The following MRAS variants were observed in gnomAD, a reference collection of about 807,000 sequenced individuals.
The protein encoded by MRAS is ras-related protein M-Ras.
A neutral mutation model predicts 20.9 loss-of-function variants in MRAS; 4 were observed. The observed-to-expected ratio is 0.19, with a 90% CI of 0.09 to 0.44. MRAS has a LOEUF of 0.44. MRAS is among the 20% of genes least tolerant of loss of function. The pLI, the probability that MRAS is intolerant of heterozygous loss-of-function variation, is 0.99. For synonymous variants in MRAS, 98 were observed against 102.9 expected (o/e 0.95, Z 0.29); for missense variants, 154 against 277.5 (o/e 0.56, Z 3.16).
chr3:138,365,930 T>C (rs1576351229), intron 1 of MRAS, among the ~76,000 whole-genome samples: 1 of 152,024 alleles, frequency 6.6e-6, no homozygotes, highest in Non-Finnish European at 1.5e-5. Flanking sequence ...GTTGGGTGGG[T>C]GGTTAGGGCT....
rs1576394957 is a variant in MRAS at position 138,402,621 on chromosome 3, C to T, written c.*352C>T. 1 of 216,476 alleles carries T rather than the reference C, an allele frequency of 4.6e-6. No homozygotes were observed. Among genetic ancestry groups the T allele is most frequent in the Non-Finnish European group, 9.1e-6 (1 of 109,432 alleles). 13.4% of individuals were successfully genotyped at this position (216,476 alleles called of 1,614,324 possible). A position where few individuals can be genotyped will look rare whatever the true frequency, so the allele number is the denominator to read the frequency against. On this transcript the variant is annotated 3_prime_UTR_variant, in exon 6 of 6. Transcript: ENST00000423968. ...TGATGTGGAAGTGTTTATCCACATA[C>T]AAAGTACAAAACAAGCCATGAACAA...
chr3:138,357,118 A>G (rs2054351587), intron 1 of MRAS, among the ~76,000 whole-genome samples: 1 of 152,250 alleles, frequency 6.6e-6, no homozygotes, highest in Non-Finnish European at 1.5e-5. Context: ...CCATTCTAAT[A>G]GAGCATTTAA....
At chr3:138,389,950 AG>A in intron 2 of MRAS, among the ~76,000 whole-genome samples, 1 of 151,216 alleles carries the variant, frequency 6.6e-6, no homozygotes, top group Admixed American at 6.6e-5. Context: ...TGGGTGGAAG[AG>A]GGGGAGAAGG....
chr3:138,400,111 C>A (rs936095339), intron 4 of MRAS: 7 of 160,632 alleles, frequency 4.4e-5, no homozygotes, highest in African/African-American at 1.7e-4. Flanking sequence ...ATGGCCCAGC[C>A]TCTCCTCAGC....
In MRAS at chr3:138,402,419, C is replaced by T. The variant is rs957847880; in HGVS notation, c.*150C>T. ...GAAGGGCAGGTGGGCAGGGAGCAGA[C>T]AGGGTCTGGCTTTGCCCAGAGGGCA... On this transcript the variant is annotated 3_prime_UTR_variant, in exon 6 of 6. Transcript: ENST00000423968. 13 of 700,854 alleles carry T rather than the reference C, an allele frequency of 1.9e-5. No individual in the cohort carries two copies. The South Asian group carries it at 2.6e-4, about 14-fold the overall frequency. The allele number at this position is 700,854 out of a possible 1,614,324, so 43.4% of individuals were successfully genotyped here.
intron 1 of MRAS, among the ~76,000 whole-genome samples, chr3:138,351,714 A>G (rs1467240066): frequency 6.6e-6 from 1 of 152,228 alleles, no homozygotes; most frequent in Non-Finnish European, 1.5e-5. Flanking sequence ...GTACACAGGA[A>G]TGGGATATCA....
chr3:138,354,010 G>A (rs1472011895), intron 1 of MRAS, among the ~76,000 whole-genome samples: 1 of 152,174 alleles, frequency 6.6e-6, no homozygotes, highest in African/African-American at 2.4e-5. Flanking sequence ...GTGCTTAGGG[G>A]ACCTATCCCA....
intron 5 of MRAS, 68 bp from the exon 6 acceptor site, chr3:138,402,102 A>C: frequency 6.9e-7 from 1 of 1,452,540 alleles, no homozygotes. Flanking sequence ...GGGGCTAGGG[A>C]GGAGAGGGGC....
At chr3:138,368,975 C>T (rs984643612) in intron 1 of MRAS, among the ~76,000 whole-genome samples, 1 of 152,140 alleles carries the variant, frequency 6.6e-6, no homozygotes, top group Admixed American at 6.5e-5. Context: ...GACTCATTCT[C>T]CAGCCTTGGA....
chr3:138,355,386 C>CT (rs2054311128), intron 1 of MRAS, among the ~76,000 whole-genome samples: 1 of 152,206 alleles, frequency 6.6e-6, no homozygotes, highest in African/African-American at 2.4e-5. Flanking sequence ...TGGTGTTATC[C>CT]TGTTTGCATG....
Position 138,372,876 on chromosome 3 carries a change from C to T in MRAS, c.-8C>T, listed in dbSNP as rs1348666169. ...GTCTTGCTGCCGCAGGTCTGACCTA[C>T]GAGAAACATGGCAACCAGCGCCGTC... On this transcript the variant is annotated 5_prime_UTR_variant, in exon 2 of 6. In the 5' UTR this introduces an upstream ATG that the reference lacks. Coordinates refer to ENST00000423968, the MANE Select transcript of MRAS (RefSeq NM_001085049.3). The T allele has an allele frequency of 5.9e-6, 9 of 1,527,188 alleles. No individual in the cohort carries two copies. Among genetic ancestry groups the T allele is most frequent in the East Asian group, 2.6e-5 (1 of 37,736 alleles). The allele number at this position is 1,527,188 out of a possible 1,614,324, so 94.6% of individuals were successfully genotyped here.
In MRAS at chr3:138,387,975, C is replaced by T. The variant is rs566741615; in HGVS notation, c.194-9349C>T. Among the ~76,000 whole-genome samples the T allele has an allele frequency of 2.6e-5, 4 of 152,268 alleles. No individual in the cohort carries two copies. In the East Asian group the frequency reaches 7.7e-4, roughly 29 times the overall value. The stretch of plus-strand genomic sequence containing the variant: ...GCCGGCACTTCTCCCCTGATGTTTT[C>T]CTTAAGCCAGGGTGTTGAGGAGGTT... On this transcript the variant is annotated intron_variant, in intron 2 of 5. Coordinates refer to ENST00000423968, the MANE Select transcript of MRAS (RefSeq NM_001085049.3).
chr3:138,376,322 C>A (rs1309559107), intron 2 of MRAS, among the ~76,000 whole-genome samples: 2 of 152,228 alleles, frequency 1.3e-5, no homozygotes, highest in African/African-American at 4.8e-5. Context: ...CCACCCCAGT[C>A]ATTTCTATGC....
chr3:138,361,361 G>A (rs189500203), intron 1 of MRAS, among the ~76,000 whole-genome samples: 74 of 152,320 alleles, frequency 4.9e-4, no homozygotes, highest in African/African-American at 1.8e-3. Flanking sequence ...GCTTGGGTTA[G>A]TTGGGGAGTG....
chr3:138,367,475 C>T (rs1327779618), intron 1 of MRAS, among the ~76,000 whole-genome samples: 2 of 152,154 alleles, frequency 1.3e-5, no homozygotes, highest in Non-Finnish European at 2.9e-5. Flanking sequence ...AAGACTATTC[C>T]TGGGAGGTCT....
At chr3:138,375,177 A>G (rs2054758092) in intron 2 of MRAS, among the ~76,000 whole-genome samples, 1 of 152,144 alleles carries the variant, frequency 6.6e-6, no homozygotes, top group African/African-American at 2.4e-5. Flanking sequence ...GTGAGCCACC[A>G]TCCCTGGTCC....
chr3:138,375,929 A>G (rs767517105), intron 2 of MRAS, among the ~76,000 whole-genome samples: 20 of 152,278 alleles, frequency 1.3e-4, no homozygotes, highest in Non-Finnish European at 2.5e-4. Context: ...CAAAGATTGC[A>G]GTGAGCCGAG....
chr3:138,380,637 C>G (rs72630189), intron 2 of MRAS, among the ~76,000 whole-genome samples: 1 of 127,336 alleles, frequency 7.9e-6, no homozygotes. Flanking sequence ...ATGTATTTAA[C>G]TAATCTAGAT....
intron 1 of MRAS, among the ~76,000 whole-genome samples, chr3:138,367,535 T>G (rs1165909416): frequency 6.6e-6 from 1 of 152,200 alleles, no homozygotes; most frequent in South Asian, 2.1e-4. Context: ...AAGGTTATAC[T>G]GGGGTGATCA....
Sources: gnomAD v4.1 joint callset for allele counts (sites outside exome capture counted in the v4.1 genomes callset) on GRCh38, gnomAD v4.1.1 for gene constraint, MANE v1.5 for transcripts, NCBI Gene and HGNC (gene_info 2026-07-23, HGNC 2026-07-21) for gene names.